Variants in GRXCR2 observed in about 807,000 individuals in gnomAD.
The protein encoded by GRXCR2 is glutaredoxin and cysteine rich domain containing 2.
GRXCR2 carries 23 observed loss-of-function variants against 24.8 expected under a neutral mutation model. The ratio of observed to expected loss-of-function variants is 0.93; its 90% CI spans 0.67 to 1.32. The LOEUF (loss-of-function observed/expected upper bound fraction) is 1.32. Ranked by LOEUF, GRXCR2 falls within the 40% of genes most tolerant of loss-of-function variation. The pLI, the probability that GRXCR2 is intolerant of heterozygous loss-of-function variation, is 0.00. For missense variants in GRXCR2, 315 were observed against 303.4 expected (o/e 1.04, Z -0.28); for synonymous variants, 130 against 116.1 (o/e 1.12, Z -0.77).
At chr5:145,925,469 T>C (rs756783331) in intron 2 of GRXCR2, among the ~76,000 whole-genome samples, 103 of 152,110 alleles carry the variant, frequency 6.8e-4, no homozygotes, top group Admixed American at 1.0e-3. Context: ...ACACAAAGGG[T>C]CACAGAGCTG....
chr5:145,901,746 C>T (rs1358806251), intron 2 of GRXCR2, among the ~76,000 whole-genome samples: 1 of 152,010 alleles, frequency 6.6e-6, no homozygotes, highest in Non-Finnish European at 1.5e-5. Flanking sequence ...GCAGCAGGAA[C>T]AGTAAGAACA....
intron 1 of GRXCR2, among the ~76,000 whole-genome samples, chr5:145,868,623 C>A (rs1333777255): frequency 6.6e-6 from 1 of 152,084 alleles, no homozygotes; most frequent in Non-Finnish European, 1.5e-5. Context: ...CCAGTAATAG[C>A]CAATGAGGTT....
At chr5:145,929,697 T>C (rs1356640908) in intron 2 of GRXCR2, among the ~76,000 whole-genome samples, 2 of 152,218 alleles carry the variant, frequency 1.3e-5, no homozygotes, top group Non-Finnish European at 2.9e-5. Context: ...TCCTACTTTC[T>C]CCTCTCACAA....
chr5:145,914,994 T>G (rs545509927), intron 2 of GRXCR2, among the ~76,000 whole-genome samples: 6 of 152,220 alleles, frequency 3.9e-5, no homozygotes, highest in African/African-American at 7.2e-5. Context: ...TTGGTAAGAA[T>G]GAAAAATCCT....
rs560653023 is a variant in GRXCR2, at chr5:145,880,350, A to G, written c.-69-13622T>C. Among the ~76,000 whole-genome samples the G allele has an allele frequency of 5.9e-5, 9 of 152,356 alleles. No homozygotes were observed. In the East Asian group the frequency reaches 1.5e-3, roughly 26 times the overall value. ...AAGAATCAAATAGATGCAATAAAAAATGATAAAAGGGATGTCACCACCAAT... is the reference window on the plus strand; with the variant it reads ...AAGAATCAAATAGATGCAATAAAAAGTGATAAAAGGGATGTCACCACCAAT... On this transcript the variant is annotated intron_variant, in intron 2 of 3. Transcript: ENST00000639411.
intron 2 of GRXCR2, among the ~76,000 whole-genome samples, chr5:145,879,639 T>A (rs943359123): frequency 1.3e-5 from 2 of 152,150 alleles, no homozygotes; most frequent in Admixed American, 1.3e-4. Flanking sequence ...ATTAGACAGA[T>A]TAATGAGACA....
chr5:145,912,816 G>C lies in GRXCR2; in HGVS notation c.-70+22885C>G, dbSNP rs573487260. Among the ~76,000 whole-genome samples, 4 of 152,216 alleles carry C rather than the reference G, an allele frequency of 2.6e-5. No homozygotes were observed. The East Asian group carries it at 7.7e-4, about 29-fold the overall frequency. On this transcript the variant is annotated intron_variant, in intron 2 of 3. Coordinates refer to the GRXCR2 transcript ENST00000639411. Reference sequence around the variant, plus strand: ...AGTAAAGTGACCAGTCACTCACCAAGGGCAGCTTGGACAAGCAGAGATGAA... The same window carrying C: ...AGTAAAGTGACCAGTCACTCACCAACGGCAGCTTGGACAAGCAGAGATGAA...
At chr5:145,879,094 A>G (rs1756660727) in intron 2 of GRXCR2, among the ~76,000 whole-genome samples, 1 of 152,224 alleles carries the variant, frequency 6.6e-6, no homozygotes, top group Admixed American at 6.5e-5. Flanking sequence ...AAAACATGCC[A>G]AATTGTAAAG....
chr5:145,930,495 A>T (rs1174472498), intron 2 of GRXCR2, among the ~76,000 whole-genome samples: 2 of 152,210 alleles, frequency 1.3e-5, no homozygotes, highest in East Asian at 3.8e-4. Flanking sequence ...TTTCACCTTC[A>T]AATTGCAGCA....
intron 2 of GRXCR2, among the ~76,000 whole-genome samples, chr5:145,925,611 T>C (rs1385668904): frequency 6.6e-6 from 1 of 152,162 alleles, no homozygotes; most frequent in Admixed American, 6.6e-5. Flanking sequence ...TTTAAGCACC[T>C]ACTTGTGTCA....
chr5:145,927,838 A>G (rs886758631), intron 2 of GRXCR2, among the ~76,000 whole-genome samples: 2 of 152,194 alleles, frequency 1.3e-5, no homozygotes, highest in African/African-American at 4.8e-5. Flanking sequence ...GGACATAGGC[A>G]TGGGGAAGCA....
chr5:145,893,156 C>T (rs1264300461), intron 2 of GRXCR2, among the ~76,000 whole-genome samples: 12 of 152,242 alleles, frequency 7.9e-5, no homozygotes, highest in African/African-American at 2.4e-4. Flanking sequence ...AAGGAACAAC[C>T]GGTACCAGCC....
intron 2 of GRXCR2, among the ~76,000 whole-genome samples, chr5:145,903,532 A>G (rs1757051677): frequency 1.0e-5 from 1 of 96,022 alleles, no homozygotes; most frequent in African/African-American, 7.6e-5. Flanking sequence ...TCAGAGTCAA[A>G]AAAAAAAAAA....
intron 2 of GRXCR2, among the ~76,000 whole-genome samples, chr5:145,885,293 A>G (rs6862882): frequency 0.21 from 32,684 of 152,192 alleles, 3,874 homozygotes; most frequent in Non-Finnish European, 0.27. Flanking sequence ...GTCTGCCTCT[A>G]TTCCACCACC....
At chr5:145,903,695 A>C (rs916541832) in intron 2 of GRXCR2, among the ~76,000 whole-genome samples, 1 of 152,152 alleles carries the variant, frequency 6.6e-6, no homozygotes, top group Non-Finnish European at 1.5e-5. Context: ...TACAACTCTA[A>C]CTGTGGAGGT....
At chr5:145,906,710 T>G (rs1757093435) in intron 2 of GRXCR2, among the ~76,000 whole-genome samples, 1 of 152,204 alleles carries the variant, frequency 6.6e-6, no homozygotes, top group Admixed American at 6.5e-5. Flanking sequence ...TATGTTTCAG[T>G]GTCTGCCAGC....
chr5:145,898,835 G>T (rs749904463), intron 2 of GRXCR2, among the ~76,000 whole-genome samples: 4 of 151,948 alleles, frequency 2.6e-5, no homozygotes, highest in African/African-American at 7.3e-5. Flanking sequence ...GGCAGAAACT[G>T]GAAGCATTCC....
chr5:145,885,922 T>A (rs943069929), intron 2 of GRXCR2, among the ~76,000 whole-genome samples: 1 of 152,134 alleles, frequency 6.6e-6, no homozygotes, highest in Non-Finnish European at 1.5e-5. Flanking sequence ...TCGGGAAAAC[T>A]GAAAACCGAA....
intron 2 of GRXCR2, among the ~76,000 whole-genome samples, chr5:145,907,621 T>A (rs115052918): frequency 0.014 from 2,180 of 151,198 alleles, 56 homozygotes; most frequent in African/African-American, 0.05. Flanking sequence ...AGAGAGAGGG[T>A]GGTGACTCGG....
Sources: allele counts gnomAD v4.1 joint callset (sites outside exome capture counted in the v4.1 genomes callset), GRCh38; gene constraint gnomAD v4.1.1; transcripts MANE v1.5; gene names NCBI Gene and HGNC (gene_info 2026-07-23, HGNC 2026-07-21).